MACROH2A2: variants seen among roughly 807,000 people sequenced by gnomAD.
The protein encoded by MACROH2A2 is core histone macro-H2A.2.
A neutral mutation model predicts 37.6 loss-of-function variants in MACROH2A2; 6 were observed. The observed-to-expected ratio is 0.16, with a 90% CI of 0.09 to 0.32. MACROH2A2 has a LOEUF of 0.32. MACROH2A2 is among the 10% of genes least tolerant of loss of function. The probability of loss-of-function intolerance (pLI) is 1.00; values close to 1 mark genes in which losing one functional copy is unlikely to be tolerated. For missense variants in MACROH2A2, 290 were observed against 485.9 expected (o/e 0.60, Z 3.79); for synonymous variants, 192 against 202.7 (o/e 0.95, Z 0.45).
At chr10:70,083,788 C>A (rs994202971) in intron 2 of MACROH2A2, among the ~76,000 whole-genome samples, 1 of 147,880 alleles carries the variant, frequency 6.8e-6, no homozygotes, top group African/African-American at 2.5e-5. Context: ...ATCTAGAATG[C>A]CCCATTGACC....
chr10:70,085,671 A>C (rs900987409), intron 2 of MACROH2A2, among the ~76,000 whole-genome samples: 4 of 152,228 alleles, frequency 2.6e-5, no homozygotes, highest in African/African-American at 9.6e-5. Flanking sequence ...AATTCTTTTT[A>C]CTGCTAGATA....
chr10:70,058,443 C>T (rs1246260773), intron 1 of MACROH2A2, among the ~76,000 whole-genome samples: 1 of 152,186 alleles, frequency 6.6e-6, no homozygotes, highest in African/African-American at 2.4e-5. Context: ...CATTTATTCA[C>T]TCAAAGTTAC....
chr10:70,067,961 CAAG>C (rs2072088398), intron 1 of MACROH2A2, among the ~76,000 whole-genome samples: 1 of 152,130 alleles, frequency 6.6e-6, no homozygotes, highest in Non-Finnish European at 1.5e-5. Context: ...GAAAATAGAT[CAAG>C]AAGTGGAGGT....
At chr10:70,084,429 G>A (rs925122972) in intron 2 of MACROH2A2, among the ~76,000 whole-genome samples, 3 of 152,162 alleles carry the variant, frequency 2.0e-5, no homozygotes, top group Non-Finnish European at 2.9e-5. Flanking sequence ...GCTCACCTTT[G>A]TAATCCCAGC....
intron 2 of MACROH2A2, among the ~76,000 whole-genome samples, chr10:70,084,765 C>T (rs1170309052): frequency 5.3e-5 from 8 of 152,076 alleles, no homozygotes; most frequent in Admixed American, 5.2e-4. Flanking sequence ...CCAAGCCTGC[C>T]TAATTTTTGT....
chr10:70,068,438 A>G (rs778022748), intron 1 of MACROH2A2, among the ~76,000 whole-genome samples: 17 of 152,214 alleles, frequency 1.1e-4, no homozygotes, highest in Non-Finnish European at 2.2e-4. Context: ...CATGAATTAA[A>G]AGGAAAAAGT....
At chr10:70,103,000 A>T (rs529093244) in intron 7 of MACROH2A2, among the ~76,000 whole-genome samples, 4 of 152,288 alleles carry the variant, frequency 2.6e-5, no homozygotes, top group African/African-American at 9.6e-5. Flanking sequence ...TCAGAGTATA[A>T]AGAGGGCCAG....
intron 1 of MACROH2A2, among the ~76,000 whole-genome samples, chr10:70,062,367 A>T (rs2072055014): frequency 6.6e-6 from 1 of 152,246 alleles, no homozygotes; most frequent in East Asian, 1.9e-4. Flanking sequence ...GAAATATCAT[A>T]GAGGATAAAA....
In MACROH2A2 at chr10:70,075,591, C is replaced by G; in HGVS notation, c.-59-9C>G. Reference sequence around the variant, plus strand: ...ACCCTTCCTCAACTCTGTCTTCTTTCCTTTTTAGCATTGTGTTAGTGCCGG... The same window carrying G: ...ACCCTTCCTCAACTCTGTCTTCTTTGCTTTTTAGCATTGTGTTAGTGCCGG... On this transcript the variant is annotated splice_polypyrimidine_tract_variant and intron_variant, in intron 1 of 8. Coordinates refer to ENST00000373255, the MANE Select transcript of MACROH2A2 (RefSeq NM_018649.3). The surrounding 1 kb of genome is among the most constrained non-coding windows in gnomAD (Gnocchi z 5.0). 6.8e-7 allele frequency: 1 copy of G among 1,480,756 alleles called. No individual in the cohort carries two copies. Among genetic ancestry groups the G allele is most frequent in the South Asian group, 1.2e-5 (1 of 85,090 alleles). 91.7% of individuals were successfully genotyped at this position (1,480,756 alleles called of 1,614,324 possible).
In MACROH2A2 at chr10:70,055,914, G is replaced by T. The variant is rs2072013462; in HGVS notation, c.-60+2914G>T. Reference sequence around the variant, plus strand: ...AGGGAATGGCTAAATAAACTCTGGTGCATCTGTCTTCTGGAATATTAGGCA... The same window carrying T: ...AGGGAATGGCTAAATAAACTCTGGTTCATCTGTCTTCTGGAATATTAGGCA... On this transcript the variant is annotated intron_variant, in intron 1 of 8. Coordinates refer to ENST00000373255, the MANE Select transcript of MACROH2A2 (RefSeq NM_018649.3). Among the ~76,000 whole-genome samples, 3 of 152,170 alleles carry T rather than the reference G, an allele frequency of 2.0e-5. No homozygotes were observed. The South Asian group carries it at 6.2e-4, about 32-fold the overall frequency.
At position 70,085,139 on chromosome 10, in the gene MACROH2A2, G is replaced by C. The variant is rs577426196; in HGVS notation, c.173-4921G>C. 9.8e-5 allele frequency among the ~76,000 whole-genome samples: 15 copies of C among 152,294 alleles called. No individual in the cohort carries two copies. The South Asian group carries it at 2.1e-3, about 21-fold the overall frequency. On this transcript the variant is annotated intron_variant, in intron 2 of 8. Coordinates refer to ENST00000373255, the MANE Select transcript of MACROH2A2 (RefSeq NM_018649.3). ...GGAAGGAGATGGGGAGTGGGAGAGG[G>C]AAGGATAGGGAATCACTCCTAGATC...
intron 1 of MACROH2A2, among the ~76,000 whole-genome samples, chr10:70,068,889 G>A (rs1466785794): frequency 6.6e-6 from 1 of 152,166 alleles, no homozygotes; most frequent in Non-Finnish European, 1.5e-5. Flanking sequence ...GGAAAATATT[G>A]GAGGACAAGG....
rs117748607 is a variant in MACROH2A2, at chr10:70,082,019, G to A, written c.172+6189G>A. 6.8e-3 allele frequency among the ~76,000 whole-genome samples: 1,034 copies of A among 152,158 alleles called. 6 individuals are homozygous for A. Among genetic ancestry groups the A allele is most frequent in the Non-Finnish European group, 8.5e-3 (581 of 68,020 alleles). ...AATAAAAATGTATTTTTAAAAAAGCGTGCAGCCACTGTGGATAACAGTTTG... is the reference window on the plus strand; with the variant it reads ...AATAAAAATGTATTTTTAAAAAAGCATGCAGCCACTGTGGATAACAGTTTG... On this transcript the variant is annotated intron_variant, in intron 2 of 8. Coordinates refer to ENST00000373255, the MANE Select transcript of MACROH2A2 (RefSeq NM_018649.3).
chr10:70,103,672 A>G (rs1296090495), intron 7 of MACROH2A2, among the ~76,000 whole-genome samples: 2 of 152,042 alleles, frequency 1.3e-5, no homozygotes, highest in Admixed American at 6.6e-5. Flanking sequence ...GTGTTGTGGT[A>G]AAGCCTTAGA....
At chr10:70,110,575 G>A (rs910357185) in intron 8 of MACROH2A2, among the ~76,000 whole-genome samples, 6 of 152,094 alleles carry the variant, frequency 3.9e-5, no homozygotes, top group African/African-American at 1.4e-4. Context: ...GCTTGACTTG[G>A]TCAGGTGACA....
chr10:70,101,234 G>A (rs754320964), intron 7 of MACROH2A2, among the ~76,000 whole-genome samples: 3 of 152,202 alleles, frequency 2.0e-5, no homozygotes, highest in African/African-American at 7.2e-5. Context: ...TGTGGGGGTC[G>A]AAAGGGCAAG....
At chr10:70,109,265 TC>T in intron 8 of MACROH2A2, 58 bp downstream of exon 8, 1 of 1,431,282 alleles carries the variant, frequency 7.0e-7, no homozygotes, top group South Asian at 1.2e-5. Context: ...AATCAGCTGC[TC>T]CCCCACTTAC....
chr10:70,084,112 G>A (rs2072196857), intron 2 of MACROH2A2, among the ~76,000 whole-genome samples: 1 of 152,112 alleles, frequency 6.6e-6, no homozygotes, highest in South Asian at 2.1e-4. Context: ...TGAAATCACT[G>A]TGTAACATAG....
intron 8 of MACROH2A2, 92 bp from the exon 9 acceptor site, chr10:70,111,426 C>T: frequency 8.7e-7 from 1 of 1,143,218 alleles, no homozygotes; most frequent in East Asian, 2.4e-5. Flanking sequence ...CTGCACACAG[C>T]AAGGCCCCAC....
Sources: gnomAD v4.1 joint callset for allele counts (sites outside exome capture counted in the v4.1 genomes callset) on GRCh38, gnomAD v4.1.1 for gene constraint, Gnocchi (gnomAD v3.1) non-coding constraint, MANE v1.5 for transcripts, NCBI Gene and HGNC (gene_info 2026-07-23, HGNC 2026-07-21) for gene names.